Variants in GPC5 observed in about 807,000 individuals in gnomAD.
The protein encoded by GPC5 is glypican 5.
Under a neutral mutation model 53.9 loss-of-function variants are expected in GPC5, and 47 were observed. The ratio of observed to expected loss-of-function variants is 0.87; its 90% CI spans 0.69 to 1.11. GPC5 has a LOEUF of 1.11. Ranked by LOEUF, GPC5 falls within the 50% of genes most tolerant of loss-of-function variation. The probability of loss-of-function intolerance (pLI) is 0.00; values close to 1 mark genes in which losing one functional copy is unlikely to be tolerated. For missense variants in GPC5, 748 were observed against 713.1 expected, an observed-to-expected ratio of 1.05 and a Z score of -0.56; for synonymous variants, 286 against 263.3, an observed-to-expected ratio of 1.09 and a Z score of -0.84.
chr13:92,392,466 G>T (rs1875051177), intron 7 of GPC5, among the ~76,000 whole-genome samples: 1 of 151,932 alleles, frequency 6.6e-6, no homozygotes, highest in Admixed American at 6.6e-5. Context: ...GACAACCTAA[G>T]CAATACCATC....
chr13:92,440,598 T>C (rs182545098), intron 7 of GPC5, among the ~76,000 whole-genome samples: 1 of 152,326 alleles, frequency 6.6e-6, no homozygotes, highest in Admixed American at 6.5e-5. Flanking sequence ...CAATTTATTT[T>C]CCTTTGGGTA....
intron 2 of GPC5, among the ~76,000 whole-genome samples, chr13:91,508,110 T>G (rs1425764414): frequency 6.6e-6 from 1 of 152,194 alleles, no homozygotes; most frequent in East Asian, 1.9e-4. Flanking sequence ...AAGATCATTA[T>G]CAGATACCAA....
chr13:92,533,490 A>T (rs184133295), intron 7 of GPC5, among the ~76,000 whole-genome samples: 2 of 152,312 alleles, frequency 1.3e-5, no homozygotes, highest in Non-Finnish European at 2.9e-5. Context: ...AAGCTAACAT[A>T]TTATGCTGAA....
intron 7 of GPC5, among the ~76,000 whole-genome samples, chr13:92,303,488 T>C (rs1223722287): frequency 6.6e-6 from 1 of 151,632 alleles, no homozygotes; most frequent in Non-Finnish European, 1.5e-5. Flanking sequence ...GAAATAATAC[T>C]AAAAATTTAA....
chr13:92,321,258 A>T (rs2043213532), intron 7 of GPC5, among the ~76,000 whole-genome samples: 1 of 152,208 alleles, frequency 6.6e-6, no homozygotes, highest in South Asian at 2.1e-4. Context: ...AAAAACTTTG[A>T]AATACATAAA....
intron 5 of GPC5, among the ~76,000 whole-genome samples, chr13:91,809,116 G>T (rs369718122): frequency 1.3e-5 from 2 of 152,100 alleles, no homozygotes; most frequent in South Asian, 4.1e-4. Context: ...TTTCCAAAAA[G>T]CATGATTAAG....
intron 7 of GPC5, among the ~76,000 whole-genome samples, chr13:92,767,540 T>A (rs1047287706): frequency 6.6e-6 from 1 of 152,192 alleles, no homozygotes. Flanking sequence ...TCTTTTCGTA[T>A]TTGCATTTGG....
intron 7 of GPC5, among the ~76,000 whole-genome samples, chr13:92,238,666 C>A (rs1391317536): frequency 1.3e-5 from 2 of 151,828 alleles, no homozygotes; most frequent in Non-Finnish European, 2.9e-5. Flanking sequence ...TACACAAGTC[C>A]GTTATTAGAC....
chr13:92,744,504 A>G (rs1409928663), intron 7 of GPC5, among the ~76,000 whole-genome samples: 1 of 138,822 alleles, frequency 7.2e-6, no homozygotes, highest in South Asian at 2.2e-4. Context: ...ACTATACAGG[A>G]AAAAAAAAAA....
intron 2 of GPC5, among the ~76,000 whole-genome samples, chr13:91,599,626 C>T (rs2033111718): frequency 6.6e-6 from 1 of 152,080 alleles, no homozygotes; most frequent in African/African-American, 2.4e-5. Flanking sequence ...GGGAACAATG[C>T]ACTTTTGTAA....
At chr13:91,714,684 G>T (rs1160996016) in intron 3 of GPC5, among the ~76,000 whole-genome samples, 1 of 152,116 alleles carries the variant, frequency 6.6e-6, no homozygotes, top group Non-Finnish European at 1.5e-5. Context: ...CAAGCTGTGA[G>T]TCGAGATAAT....
At chr13:91,938,908 A>T (rs2039898345) in intron 6 of GPC5, among the ~76,000 whole-genome samples, 1 of 152,054 alleles carries the variant, frequency 6.6e-6, no homozygotes, top group East Asian at 1.9e-4. Flanking sequence ...GTGATAATGA[A>T]AAAGAATATC....
At chr13:92,351,412 T>C (rs1254674474) in intron 7 of GPC5, among the ~76,000 whole-genome samples, 3 of 151,926 alleles carry the variant, frequency 2.0e-5, no homozygotes, top group African/African-American at 7.2e-5. Context: ...ACATTTAATA[T>C]TAAAATATTG....
Position 92,438,515 on chromosome 13 carries a change from A to C in GPC5, c.1561+293526A>C, listed in dbSNP as rs1250470150. 1.3e-4 allele frequency among the ~76,000 whole-genome samples: 20 copies of C among 151,884 alleles called. 1 individual carries two copies. Among genetic ancestry groups the C allele is most frequent in the Non-Finnish European group, 2.9e-4 (20 of 67,938 alleles). On this transcript the variant is annotated intron_variant, in intron 7 of 7. Coordinates refer to ENST00000377067, the MANE Select transcript of GPC5 (RefSeq NM_004466.6). ...GAGATGGCTTGCATTGAGGGAGAGA[A>C]GAGCAATGGGAAAACCTTTAAAGCT...
At chr13:92,654,490 G>A (rs1263020581) in intron 7 of GPC5, among the ~76,000 whole-genome samples, 2 of 148,632 alleles carry the variant, frequency 1.3e-5, no homozygotes, top group Non-Finnish European at 3.0e-5. Context: ...GCTGATATAG[G>A]ATGACCATAT....
intron 7 of GPC5, among the ~76,000 whole-genome samples, chr13:92,179,158 G>A (rs755809461): frequency 4.6e-5 from 7 of 151,856 alleles, no homozygotes; most frequent in African/African-American, 7.3e-5. Flanking sequence ...AAGTAAAAAC[G>A]AACTGACATT....
chr13:92,323,141 A>G (rs924978897), intron 7 of GPC5, among the ~76,000 whole-genome samples: 2 of 151,602 alleles, frequency 1.3e-5, no homozygotes, highest in South Asian at 2.1e-4. Context: ...AGTCTATGAA[A>G]TCGAAGAAAT....
chr13:91,775,087 A>G (rs1369966618), intron 5 of GPC5, among the ~76,000 whole-genome samples: 1 of 152,224 alleles, frequency 6.6e-6, no homozygotes, highest in Admixed American at 6.5e-5. Flanking sequence ...GTTAAAGAAC[A>G]GAATGATATG....
intron 7 of GPC5, among the ~76,000 whole-genome samples, chr13:92,568,483 A>G (rs1855365): frequency 6.6e-6 from 1 of 152,068 alleles, no homozygotes; most frequent in South Asian, 2.1e-4. Context: ...CAGCTTGGTT[A>G]GTTTAAAATA....
Sources: allele counts gnomAD v4.1 joint callset (sites outside exome capture counted in the v4.1 genomes callset), GRCh38; gene constraint gnomAD v4.1.1; transcripts MANE v1.5; gene names NCBI Gene and HGNC (gene_info 2026-07-23, HGNC 2026-07-21).